The following GLT8D2 variants were observed in gnomAD, a reference collection of about 807,000 sequenced individuals.
GLT8D2 encodes glycosyltransferase 8 domain-containing protein 2.
GLT8D2 carries 45 observed loss-of-function variants against 44.5 expected under a neutral mutation model. The ratio of observed to expected loss-of-function variants is 1.01; its 90% CI spans 0.80 to 1.30. The LOEUF (loss-of-function observed/expected upper bound fraction) is 1.30. Ranked by LOEUF, GLT8D2 falls within the 50% of genes most tolerant of loss-of-function variation. GLT8D2 has a pLI of 0.00. For synonymous variants in GLT8D2, 156 were observed against 157.2 expected (o/e 0.99, Z 0.06); for missense variants, 400 against 430.4 (o/e 0.93, Z 0.62).
chr12:104,023,322 A>C (rs188747249), intron 1 of GLT8D2, among the ~76,000 whole-genome samples: 205 of 152,368 alleles, frequency 1.3e-3, no homozygotes, highest in African/African-American at 4.6e-3. Flanking sequence ...ATTGCTATGC[A>C]TACTATTTCT....
upstream of GLT8D2, among the ~76,000 whole-genome samples, chr12:104,054,122 CATCTG>C: frequency 6.6e-6 from 1 of 152,222 alleles, no homozygotes; most frequent in East Asian, 1.9e-4. Context: ...AGAATTTGCT[CATCTG>C]ATAACTGAAA....
chr12:104,048,937 T>C (rs1282315593), intron 1 of GLT8D2, among the ~76,000 whole-genome samples: 3 of 152,170 alleles, frequency 2.0e-5, no homozygotes, highest in Admixed American at 1.3e-4. Context: ...GCTTAGAAGG[T>C]GTGTAAGTGG....
At chr12:104,054,416 T>G (rs187856671), upstream of GLT8D2, among the ~76,000 whole-genome samples, 67 of 152,196 alleles carry the variant, frequency 4.4e-4, no homozygotes, top group East Asian at 0.011. Flanking sequence ...CACCCATCAA[T>G]GGATACTTAA....
chr12:104,040,211 G>A (rs1481833164), intron 1 of GLT8D2, among the ~76,000 whole-genome samples: 1 of 152,074 alleles, frequency 6.6e-6, no homozygotes, highest in Non-Finnish European at 1.5e-5. Flanking sequence ...CAAGTTAATG[G>A]GTGCAGCAAA....
chr12:104,025,544 A>G (rs567983252), intron 1 of GLT8D2, among the ~76,000 whole-genome samples: 2 of 152,232 alleles, frequency 1.3e-5, no homozygotes, highest in East Asian at 3.9e-4. Flanking sequence ...TTGGTATCAT[A>G]TCTAATAAAT....
chr12:104,058,068 A>G (rs898896556), intron 1 of GLT8D2, among the ~76,000 whole-genome samples: 9 of 152,204 alleles, frequency 5.9e-5, no homozygotes, highest in Non-Finnish European at 1.0e-4. Flanking sequence ...CAAGTTACAC[A>G]GCAGAGTTTC....
chr12:104,014,428 T>C, intron 4 of GLT8D2: 1 of 598,006 alleles, frequency 1.7e-6, no homozygotes, highest in Non-Finnish European at 3.0e-6. Context: ...ACTTTGTGTG[T>C]GCATTGGAGT....
chr12:104,012,886 G>A, intron 4 of GLT8D2: 1 of 682,248 alleles, frequency 1.5e-6, no homozygotes, highest in South Asian at 1.6e-5. Context: ...ATGCAGCACA[G>A]AGAAAAGGCC....
chr12:104,063,739 A>G (rs968408192), intron 1 of GLT8D2, among the ~76,000 whole-genome samples: 2 of 151,842 alleles, frequency 1.3e-5, no homozygotes, highest in African/African-American at 2.4e-5. Flanking sequence ...TCAGAAAATT[A>G]CCTTACTGCA....
At chr12:104,054,844 C>A (rs1272094564), upstream of GLT8D2, among the ~76,000 whole-genome samples, 3 of 152,154 alleles carry the variant, frequency 2.0e-5, no homozygotes, top group African/African-American at 4.8e-5. Context: ...GAGGCCTGCA[C>A]TGTGCTGCTG....
In GLT8D2 at chr12:104,064,067, A is replaced by G. The variant is rs1002725615; in HGVS notation, c.-541T>C. 3.3e-5 allele frequency: 5 copies of G among 152,290 alleles called. No homozygotes were observed. Among genetic ancestry groups the G allele is most frequent in the African/African-American group, 1.2e-4 (5 of 41,428 alleles). The allele number at this position is 152,290 out of a possible 1,614,324, so 9.4% of individuals were successfully genotyped here. A position where few individuals can be genotyped will look rare whatever the true frequency, so the allele number is the denominator to read the frequency against. On this transcript the variant is annotated 5_prime_UTR_variant, in exon 1 of 11. Coordinates refer to the GLT8D2 transcript ENST00000548660. This position sits in a 1 kb window ranked among gnomAD's most constrained non-coding sequence, Gnocchi z 7.3. Reference sequence around the variant, plus strand: ...CCGGGTCCCAGTCACGGTCGGGAGCAGCCGCCGTGGCCCGGGCTCGCGAGG... The same window carrying G: ...CCGGGTCCCAGTCACGGTCGGGAGCGGCCGCCGTGGCCCGGGCTCGCGAGG...
chr12:103,991,823 TAAAAAAAAA>T (rs11340919), intron 10 of GLT8D2, among the ~76,000 whole-genome samples: 2 of 123,202 alleles, frequency 1.6e-5, no homozygotes, highest in East Asian at 2.2e-4. Flanking sequence ...TTACGTCCTT[TAAAAAAAAA>T]AAAAAAAAAA....
At chr12:104,009,141 C>G (rs1217377270) in intron 4 of GLT8D2, among the ~76,000 whole-genome samples, 1 of 152,162 alleles carries the variant, frequency 6.6e-6, no homozygotes. Flanking sequence ...AATGGTAGAT[C>G]CACTGACAGC....
intron 4 of GLT8D2, among the ~76,000 whole-genome samples, chr12:104,007,265 T>TCTCTCTCTCTCTCTCTCTCTCTCC (rs377119502): frequency 2.9e-5 from 4 of 136,380 alleles, no homozygotes; most frequent in Admixed American, 7.4e-5. Flanking sequence ...TCTCTCTCTC[T>TCTCTCTCTCTCTCTCTCTCTCTCC]CCCCCCGCTC....
intron 3 of GLT8D2, among the ~76,000 whole-genome samples, chr12:104,018,638 C>T (rs1399405691): frequency 6.6e-6 from 1 of 152,176 alleles, no homozygotes; most frequent in Non-Finnish European, 1.5e-5. Flanking sequence ...CTTTGGGAGG[C>T]TGAGGCGGGT....
intron 4 of GLT8D2, among the ~76,000 whole-genome samples, chr12:104,009,295 G>A (rs570262805): frequency 5.9e-5 from 9 of 152,346 alleles, no homozygotes; most frequent in South Asian, 2.1e-4. Context: ...ACCTGGATGC[G>A]AGACCTGGAG....
chr12:103,989,857 A>G (rs563797865), intron 10 of GLT8D2, among the ~76,000 whole-genome samples: 29 of 151,876 alleles, frequency 1.9e-4, no homozygotes, highest in African/African-American at 6.8e-4. Context: ...AAAAAAAATT[A>G]TTTTGTTTCT....
intron 6 of GLT8D2, among the ~76,000 whole-genome samples, chr12:103,998,309 A>G (rs907345443): frequency 1.3e-5 from 2 of 150,652 alleles, no homozygotes; most frequent in African/African-American, 2.5e-5. Flanking sequence ...ATCACAGCTC[A>G]CTACAGCCTC....
chr12:104,030,817 G>C lies in GLT8D2; in HGVS notation c.-163-9326C>G, dbSNP rs570712121. ...AACTGGTGCTGATCCGGCACGGCGA[G>C]AGCGCATGGAACCTGGAGAACCGCT... On this transcript the variant is annotated intron_variant, in intron 1 of 10. Transcript: ENST00000360814. 2.3e-5 allele frequency: 37 copies of C among 1,602,790 alleles called. No homozygotes were observed. The East Asian group carries it at 7.1e-4, about 31-fold the overall frequency.
Sources: allele counts gnomAD v4.1 joint callset (sites outside exome capture counted in the v4.1 genomes callset), GRCh38; gene constraint gnomAD v4.1.1; non-coding constraint Gnocchi (gnomAD v3.1); transcripts MANE v1.5; gene names NCBI Gene and HGNC (gene_info 2026-07-23, HGNC 2026-07-21).